GEMIN5: variants seen among roughly 807,000 people sequenced by gnomAD.
GEMIN5 encodes gem nuclear organelle associated protein 5, also known as gem-associated protein 5.
A neutral mutation model predicts 176.9 loss-of-function variants in GEMIN5; 124 were observed. The observed-to-expected ratio is 0.70, with a 90% CI of 0.61 to 0.81. The LOEUF is 0.81. Among genes scored for constraint, GEMIN5 ranks in the 40% least tolerant of loss-of-function variants. The probability of loss-of-function intolerance (pLI) is 0.00; values close to 1 mark genes in which losing one functional copy is unlikely to be tolerated. For missense variants in GEMIN5, 1,843 were observed against 1,814.6 expected, an observed-to-expected ratio of 1.02 and a Z score of -0.28; for synonymous variants, 673 against 665.2, an observed-to-expected ratio of 1.01 and a Z score of -0.18.
chr5:154,899,388 G>T, intron 21 of GEMIN5, 78 bp from the exon 22 acceptor site: 1 of 1,200,660 alleles, frequency 8.3e-7, no homozygotes, highest in South Asian at 2.2e-5. Flanking sequence ...TGTAAGACAG[G>T]ACAAACTGTC....
intron 22 of GEMIN5, 97 bp downstream of exon 22, chr5:154,899,094 T>C (rs1014509229): frequency 3.3e-6 from 4 of 1,194,226 alleles, no homozygotes; most frequent in Non-Finnish European, 4.7e-6. Flanking sequence ...CTTGCTGCTT[T>C]ACCTCCACCT....
At chr5:154,937,879 C>T (rs1371069128) in intron 1 of GEMIN5, 89 bp downstream of exon 1, 16 of 1,182,512 alleles carry the variant, frequency 1.4e-5, no homozygotes, top group Non-Finnish European at 1.6e-5. Context: ...GTTTCCCTAG[C>T]TGTAGAAAAC....
At chr5:154,934,217 G>A (rs1384492955) in intron 3 of GEMIN5, among the ~76,000 whole-genome samples, 5 of 151,738 alleles carry the variant, frequency 3.3e-5, no homozygotes, top group Admixed American at 2.6e-4. Context: ...ACAGAGTTTC[G>A]CTCTTGTTGC....
At chr5:154,932,277 C>A in intron 3 of GEMIN5, 27 bp from the exon 4 acceptor site, 2 of 1,551,098 alleles carry the variant, frequency 1.3e-6, no homozygotes, top group Non-Finnish European at 8.8e-7. Context: ...AGAAATATTA[C>A]TAAAAAAATG....
At chr5:154,917,237 T>C (rs1403157906) in intron 12 of GEMIN5, 58 bp from the exon 13 acceptor site, 6 of 928,078 alleles carry the variant, frequency 6.5e-6, no homozygotes, top group Middle Eastern at 2.7e-4. Flanking sequence ...CAAGTTACAA[T>C]GCAAATAGTA....
chr5:154,924,677 AAAG>A, intron 8 of GEMIN5, 123 bp from the exon 9 acceptor site: 1 of 671,836 alleles, frequency 1.5e-6, no homozygotes, highest in Non-Finnish European at 2.6e-6. Flanking sequence ...TTCATTATTT[AAAG>A]GAGAAAAAGG....
intron 10 of GEMIN5, 43 bp from the exon 11 acceptor site, chr5:154,920,146 T>A (rs1763895331): frequency 1.5e-5 from 23 of 1,546,078 alleles, no homozygotes; most frequent in Non-Finnish European, 2.0e-5. Flanking sequence ...TTGTACTTCA[T>A]CAGCTTAACT....
intron 3 of GEMIN5, 112 bp from the exon 4 acceptor site, chr5:154,932,362 T>G: frequency 1.3e-6 from 1 of 753,094 alleles, no homozygotes; most frequent in Admixed American, 2.5e-5. Context: ...TTAGGTGCAT[T>G]TGGGGTGGCG....
intron 7 of GEMIN5, among the ~76,000 whole-genome samples, chr5:154,926,641 C>T (rs927110055): frequency 6.6e-6 from 1 of 152,188 alleles, no homozygotes; most frequent in African/African-American, 2.4e-5. Flanking sequence ...CTGCTACATA[C>T]ACTACAAACC....
chr5:154,937,243 A>G (rs1764288762), intron 1 of GEMIN5, 58 bp from the exon 2 acceptor site: 3 of 1,410,948 alleles, frequency 2.1e-6, no homozygotes, highest in Middle Eastern at 3.7e-4. Flanking sequence ...TCCTGGCAGA[A>G]TCATACTGTT....
intron 24 of GEMIN5, among the ~76,000 whole-genome samples, chr5:154,894,721 A>G (rs1763311597): frequency 6.6e-6 from 1 of 152,156 alleles, no homozygotes; most frequent in South Asian, 2.1e-4. Flanking sequence ...CCTGGCCAAC[A>G]TGGTGAAACC....
chr5:154,913,549 C>A (rs1763749710), intron 13 of GEMIN5, among the ~76,000 whole-genome samples: 1 of 152,112 alleles, frequency 6.6e-6, no homozygotes, highest in Non-Finnish European at 1.5e-5. Flanking sequence ...CTTGGCCAGG[C>A]GTGTCGGCTC....
intron 25 of GEMIN5, among the ~76,000 whole-genome samples, chr5:154,892,183 A>G (rs1488158064): frequency 1.3e-5 from 2 of 152,214 alleles, no homozygotes; most frequent in Non-Finnish European, 1.5e-5. Flanking sequence ...AGTGGACAGG[A>G]GGCTGTAAGA....
In GEMIN5 at chr5:154,938,192, C is replaced by A. The variant is rs1010789030; in HGVS notation, c.-59G>T. 23 of 1,275,150 alleles carry A rather than the reference C, an allele frequency of 1.8e-5. No individual in the cohort carries two copies. The highest frequency in any genetic ancestry group is 3.1e-5 in the African/African-American group (2 of 65,008). 79.0% of individuals were successfully genotyped at this position (1,275,150 alleles called of 1,614,324 possible). Reference sequence around the variant, plus strand: ...ACAGCCGACCGCTCGTAGCCTCACGCCTTAGGTAGGGAGCGGGGCGGGGTG... The same window carrying A: ...ACAGCCGACCGCTCGTAGCCTCACGACTTAGGTAGGGAGCGGGGCGGGGTG... On this transcript the variant is annotated 5_prime_UTR_variant, in exon 1 of 28. Coordinates refer to ENST00000285873, the MANE Select transcript of GEMIN5 (RefSeq NM_015465.5).
At chr5:154,904,900 TG>T (rs1763539037) in intron 17 of GEMIN5, among the ~76,000 whole-genome samples, 1 of 152,070 alleles carries the variant, frequency 6.6e-6, no homozygotes, top group South Asian at 2.1e-4. Flanking sequence ...TGACCCAAAA[TG>T]GAAGTGGAAG....
intron 16 of GEMIN5, 86 bp downstream of exon 16, chr5:154,907,505 C>A: frequency 2.3e-6 from 2 of 854,368 alleles, no homozygotes; most frequent in South Asian, 1.7e-5. Flanking sequence ...ATGGGAACAG[C>A]GAAGTTTCAA....
At chr5:154,890,082 A>G (rs1315790707) in intron 26 of GEMIN5, among the ~76,000 whole-genome samples, 1 of 152,186 alleles carries the variant, frequency 6.6e-6, no homozygotes, top group Non-Finnish European at 1.5e-5. Context: ...TTACATTCCC[A>G]CCAATAGGCA....
At position 154,902,560 on chromosome 5, in the gene GEMIN5, G is replaced by A. The variant is rs778574641; in HGVS notation, c.2845C>T (p.Leu949Phe). Residue 949 changes from leucine to phenylalanine, a missense_variant, in exon 20 of 28, where the codon CTT becomes TTT. By Grantham distance (22) the Leu-to-Phe change is conservative. Transcript: ENST00000285873. Reference sequence around the variant, plus strand: ...ATACCTGCTGGTGCCATAGCCACAAGGTTGTCTGTCAGCTCCCCTCTTTCT... The same window carrying A: ...ATACCTGCTGGTGCCATAGCCACAAAGTTGTCTGTCAGCTCCCCTCTTTCT... ...AAERGELTDNLVAMAPAAGYH... is the reference protein window; with the variant it reads ...AAERGELTDNFVAMAPAAGYH... The A allele has an allele frequency of 3.1e-6, 5 of 1,614,074 alleles. No individual in the cohort carries two copies. The South Asian group carries it at 4.4e-5, about 14-fold the overall frequency.
chr5:154,898,747 A>T, intron 22 of GEMIN5, 97 bp from the exon 23 acceptor site: 1 of 1,030,254 alleles, frequency 9.7e-7, no homozygotes, highest in South Asian at 1.5e-5. Context: ...ACTTTGCTGC[A>T]TGTGCCTTCC....
Sources: allele counts gnomAD v4.1 joint callset (sites outside exome capture counted in the v4.1 genomes callset), GRCh38; gene constraint gnomAD v4.1.1; transcripts MANE v1.5; gene names NCBI Gene and HGNC (gene_info 2026-07-23, HGNC 2026-07-21).